Variants in PTPRG observed in about 807,000 individuals in gnomAD.
PTPRG encodes the protein receptor-type tyrosine-protein phosphatase gamma.
A neutral mutation model predicts 165.3 loss-of-function variants in PTPRG; 102 were observed. The observed-to-expected ratio is 0.62, with a 90% confidence interval of 0.53 to 0.73. The LOEUF is 0.73. PTPRG is among the 30% of genes least tolerant of loss of function. The probability of loss-of-function intolerance (pLI) is 0.00; values close to 1 mark genes in which losing one functional copy is unlikely to be tolerated. For synonymous variants in PTPRG, 675 were observed against 669.5 expected (o/e 1.01, Z -0.13); for missense variants, 1,866 against 1,861.4 (o/e 1.00, Z -0.05).
chr3:62,247,501 G>A (rs1269331767), intron 15 of PTPRG, among the ~76,000 whole-genome samples: 2 of 151,752 alleles, frequency 1.3e-5, no homozygotes, highest in African/African-American at 4.8e-5. Context: ...CATCCTCCTG[G>A]AGGGAATTTC....
Position 62,273,656 on chromosome 3 carries a change from C to G in PTPRG, c.3319-42C>G. On this transcript the variant is annotated intron_variant, in intron 22 of 29. Transcript: ENST00000474889. This position sits in a 1 kb window ranked among gnomAD's most constrained non-coding sequence, Gnocchi z 4.1. ...ACACTTCATGAATGAGTGGCTAACC[C>G]TTAACACTCCCTCAGTGACTACCAT... is the stretch of plus-strand genomic sequence containing the variant. 1 of 1,602,030 alleles carries G rather than the reference C, an allele frequency of 6.2e-7. No individual in the cohort carries two copies. The highest frequency in any genetic ancestry group is 8.5e-7 in the Non-Finnish European group (1 of 1,169,914).
chr3:61,757,974 A>C (rs1419927323), intron 2 of PTPRG, among the ~76,000 whole-genome samples: 1 of 152,222 alleles, frequency 6.6e-6, no homozygotes, highest in Non-Finnish European at 1.5e-5. Flanking sequence ...TGATTTACTT[A>C]AGGGCTACCA....
In PTPRG at chr3:61,897,809, TTTCTC is replaced by T. The variant is rs536254544; in HGVS notation, c.191-91814_191-91810del. On this transcript the variant is annotated intron_variant, in intron 2 of 29. Coordinates refer to ENST00000474889, the MANE Select transcript of PTPRG (RefSeq NM_002841.4). ...ACATGTTTTGTGTATACCTACATAT[TTTCTC>T]TAGAGTACAGTTATAAATGGTATTT... Among the ~76,000 whole-genome samples the T allele has an allele frequency of 1.5e-3, 226 of 152,350 alleles. 1 individual carries two copies. The highest frequency in any genetic ancestry group is 6.8e-3 in the Middle Eastern group (2 of 294).
chr3:61,705,383 A>G (rs1018952825), intron 1 of PTPRG, among the ~76,000 whole-genome samples: 6 of 152,066 alleles, frequency 3.9e-5, no homozygotes, highest in Non-Finnish European at 8.8e-5. Context: ...TTTATTCTCC[A>G]TTATTTGCTC....
At position 61,939,928 on chromosome 3, in the gene PTPRG, CTTTTTTTTTTTTTTTT is replaced by C. The variant is rs561334410; in HGVS notation, c.191-49676_191-49661del. ...TGTCTTGGCTTCCTTACTGACTTGT[CTTTTTTTTTTTTTTTT>C]TTTTTTTTTTTTTTTTTTTTGAGAC... On this transcript the variant is annotated intron_variant, in intron 2 of 29. Transcript: ENST00000474889. 2.1e-3 allele frequency among the ~76,000 whole-genome samples: 81 copies of C among 39,142 alleles called. 1 individual carries two copies. The highest frequency in any genetic ancestry group is 5.5e-3 in the East Asian group (4 of 726). 25.7% of individuals were successfully genotyped at this position (39,142 alleles called of 152,430 possible).
intron 2 of PTPRG, among the ~76,000 whole-genome samples, chr3:61,980,144 C>G (rs1475818314): frequency 6.6e-6 from 1 of 152,140 alleles, no homozygotes; most frequent in Non-Finnish European, 1.5e-5. Context: ...CCCTTCCATA[C>G]AAAGAAAGGA....
chr3:61,835,394 T>C lies in PTPRG; in HGVS notation c.190+86412T>C, dbSNP rs967661461. Among the ~76,000 whole-genome samples the C allele has an allele frequency of 2.0e-5, 3 of 152,012 alleles. No individual in the cohort carries two copies. In the South Asian group the frequency reaches 6.2e-4, roughly 32 times the overall value. On this transcript the variant is annotated intron_variant, in intron 2 of 29. Coordinates refer to ENST00000474889, the MANE Select transcript of PTPRG (RefSeq NM_002841.4). The stretch of plus-strand genomic sequence containing the variant: ...CCTTCCCCAGGCTGGAGTGCAGTGG[T>C]GCGATCTCAGCTCACTGCAACCTCT...
At chr3:61,977,318 C>G (rs2040534493) in intron 2 of PTPRG, among the ~76,000 whole-genome samples, 1 of 151,916 alleles carries the variant, frequency 6.6e-6, no homozygotes, top group Non-Finnish European at 1.5e-5. Flanking sequence ...TTTCAGAGTT[C>G]ATTGAGAATG....
chr3:61,987,161 GT>G (rs1298306034), intron 2 of PTPRG, among the ~76,000 whole-genome samples: 1 of 152,184 alleles, frequency 6.6e-6, no homozygotes, highest in African/African-American at 2.4e-5. Context: ...TGACATAGGG[GT>G]TTTTGCAAGG....
At chr3:61,713,185 G>A (rs934551855) in intron 1 of PTPRG, among the ~76,000 whole-genome samples, 5 of 147,714 alleles carry the variant, frequency 3.4e-5, no homozygotes, top group Non-Finnish European at 7.4e-5. Context: ...TTTTTGAGAC[G>A]GAGTGTCACT....
At position 61,985,266 on chromosome 3, in the gene PTPRG, G is replaced by A. The variant is rs35282158; in HGVS notation, c.191-4359G>A. ...GAAGTGACTTCACTCAAGTGTCACCGCCACCATAAGTTCCCTCCTGGGGAG... is the reference window on the plus strand; with the variant it reads ...GAAGTGACTTCACTCAAGTGTCACCACCACCATAAGTTCCCTCCTGGGGAG... On this transcript the variant is annotated intron_variant, in intron 2 of 29. Transcript: ENST00000474889. Among the ~76,000 whole-genome samples, 863 of 152,260 alleles carry A rather than the reference G, an allele frequency of 5.7e-3. 3 individuals are homozygous for A. Among genetic ancestry groups the A allele is most frequent in the Non-Finnish European group, 9.5e-3 (649 of 68,020 alleles).
chr3:62,135,360 T>C (rs1018294977), intron 6 of PTPRG, among the ~76,000 whole-genome samples: 64 of 152,026 alleles, frequency 4.2e-4, no homozygotes, highest in African/African-American at 1.5e-3. Context: ...ATTTGAATGA[T>C]CTATTAATTT....
chr3:62,113,154 T>G (rs565086262), intron 5 of PTPRG, among the ~76,000 whole-genome samples: 37 of 152,284 alleles, frequency 2.4e-4, no homozygotes, highest in Admixed American at 1.0e-3. Flanking sequence ...CCCAGAAGTT[T>G]GCTGAGAAAT....
chr3:61,662,397 G>T (rs1702691553), intron 1 of PTPRG, among the ~76,000 whole-genome samples: 1 of 152,188 alleles, frequency 6.6e-6, no homozygotes, highest in African/African-American at 2.4e-5. Context: ...AGCCATATAA[G>T]TAAGCCTGGA....
intron 2 of PTPRG, among the ~76,000 whole-genome samples, chr3:61,841,211 T>C (rs1285487457): frequency 6.6e-6 from 1 of 152,218 alleles, no homozygotes; most frequent in African/African-American, 2.4e-5. Flanking sequence ...TAAAGAGATG[T>C]TTTATATATA....
chr3:61,885,680 T>TCCTCTCC (rs2038012821), intron 2 of PTPRG, among the ~76,000 whole-genome samples: 1 of 2,948 alleles, frequency 3.4e-4, no homozygotes, highest in Non-Finnish European at 8.8e-4. Flanking sequence ...TCCTCTCCTC[T>TCCTCTCC]CCTCTCCTCT....
At chr3:61,828,770 G>A (rs1575699161) in intron 2 of PTPRG, among the ~76,000 whole-genome samples, 1 of 152,216 alleles carries the variant, frequency 6.6e-6, no homozygotes, top group Non-Finnish European at 1.5e-5. Flanking sequence ...TGCCTGCAGT[G>A]ACAGCAGCTT....
intron 2 of PTPRG, among the ~76,000 whole-genome samples, chr3:61,969,820 A>G (rs772734480): frequency 4.6e-5 from 7 of 152,196 alleles, no homozygotes; most frequent in Non-Finnish European, 7.3e-5. Context: ...GGATACAGCG[A>G]TAATGATTTT....
intron 6 of PTPRG, among the ~76,000 whole-genome samples, chr3:62,136,073 G>A (rs942877490): frequency 3.9e-5 from 6 of 152,130 alleles, no homozygotes; most frequent in African/African-American, 1.2e-4. Context: ...AGGGGTGCAC[G>A]CTTAAGAGTG....
Sources: allele counts gnomAD v4.1 joint callset (sites outside exome capture counted in the v4.1 genomes callset), GRCh38; gene constraint gnomAD v4.1.1; non-coding constraint Gnocchi (gnomAD v3.1); transcripts MANE v1.5; gene names NCBI Gene and HGNC (gene_info 2026-07-23, HGNC 2026-07-21).